Variants in ARHGAP26 observed in about 807,000 individuals in gnomAD.
ARHGAP26 encodes Rho GTPase activating protein 26.
In ARHGAP26, 38 loss-of-function variants were observed where a neutral mutation model predicts 104.8. The ratio of observed to expected loss-of-function variants is 0.36; its 90% CI spans 0.28 to 0.48. The LOEUF (loss-of-function observed/expected upper bound fraction) is 0.48, where lower values mean the gene tolerates loss of function less well. ARHGAP26 is among the 20% of genes least tolerant of loss of function. The pLI is 0.99. For synonymous variants in ARHGAP26, 341 were observed against 340.0 expected (o/e 1.00, Z -0.03); for missense variants, 704 against 947.9 (o/e 0.74, Z 3.38).
intron 10 of ARHGAP26, among the ~76,000 whole-genome samples, chr5:142,929,413 G>A (rs1210822295): frequency 1.3e-5 from 2 of 152,114 alleles, no homozygotes; most frequent in African/African-American, 4.8e-5. Flanking sequence ...GGTTTTGCTT[G>A]TTTTATTTTG....
chr5:142,872,242 G>A (rs6896092), intron 1 of ARHGAP26, among the ~76,000 whole-genome samples: 18,975 of 151,754 alleles, frequency 0.13, 2,196 homozygotes, highest in East Asian at 0.66. Flanking sequence ...CCTAACCTCA[G>A]GGGACAAATC....
Position 143,214,907 on chromosome 5 carries a change from C to G in ARHGAP26, c.2191+819C>G, listed in dbSNP as rs142353733. Among the ~76,000 whole-genome samples, 1,086 of 152,322 alleles carry G rather than the reference C, an allele frequency of 7.1e-3. 13 individuals are homozygous for G. The highest frequency in any genetic ancestry group is 0.025 in the African/African-American group (1,024 of 41,566). On this transcript the variant is annotated intron_variant, in intron 22 of 22. Coordinates refer to ENST00000645722, the MANE Select transcript of ARHGAP26 (RefSeq NM_001135608.3). Reference sequence around the variant, plus strand: ...CAAAGCCTCAAGCACTGTCCTTAAGCCTTTGCTCCATTAACTTTCATCTAG... The same window carrying G: ...CAAAGCCTCAAGCACTGTCCTTAAGGCTTTGCTCCATTAACTTTCATCTAG...
At chr5:143,083,554 A>G (rs1202108634) in intron 17 of ARHGAP26, among the ~76,000 whole-genome samples, 1 of 152,208 alleles carries the variant, frequency 6.6e-6, no homozygotes, top group East Asian at 1.9e-4. Context: ...GCTGAAGTGC[A>G]GGGACACAAT....
chr5:142,956,431 G>A (rs1769244987), intron 11 of ARHGAP26, among the ~76,000 whole-genome samples: 2 of 152,030 alleles, frequency 1.3e-5, no homozygotes, highest in Non-Finnish European at 2.9e-5. Flanking sequence ...TTAAAAATTA[G>A]CCAAGTGTGG....
chr5:142,980,352 C>CTTTAT (rs35267021), intron 11 of ARHGAP26, among the ~76,000 whole-genome samples: 86,628 of 131,246 alleles, frequency 0.66, 30,003 homozygotes, highest in Middle Eastern at 0.76. Flanking sequence ...CTCTAGGAAC[C>CTTTAT]TTTATTTTAT....
At chr5:142,980,009 T>G (rs1773683891) in intron 11 of ARHGAP26, among the ~76,000 whole-genome samples, 1 of 152,190 alleles carries the variant, frequency 6.6e-6, no homozygotes, top group African/African-American at 2.4e-5. Context: ...TGTAGAACAT[T>G]TCCAGCATCC....
At chr5:143,120,095 T>C (rs906732987) in intron 17 of ARHGAP26, among the ~76,000 whole-genome samples, 3 of 152,236 alleles carry the variant, frequency 2.0e-5, no homozygotes, top group African/African-American at 7.2e-5. Context: ...AGGGAAGCTC[T>C]TGATATTGTC....
chr5:142,771,940 T>A (rs1755291364), intron 1 of ARHGAP26, among the ~76,000 whole-genome samples: 1 of 152,222 alleles, frequency 6.6e-6, no homozygotes, highest in Admixed American at 6.5e-5. Flanking sequence ...CATTTAAAAA[T>A]AGCTCAGTCC....
intron 11 of ARHGAP26, among the ~76,000 whole-genome samples, chr5:142,932,705 C>T (rs1014325048): frequency 6.6e-6 from 1 of 152,210 alleles, no homozygotes; most frequent in Non-Finnish European, 1.5e-5. Context: ...AAAGAATCTA[C>T]AATGCCAGAG....
At position 143,024,402 on chromosome 5, in the gene ARHGAP26, G is replaced by A. The variant is rs1562281187; in HGVS notation, c.1144+10286G>A. On this transcript the variant is annotated intron_variant, in intron 12 of 22. Coordinates refer to ENST00000645722, the MANE Select transcript of ARHGAP26 (RefSeq NM_001135608.3). ...TAATATTCCCCTTTCCCTCAGTGATGTGGGCTCTGTACTGACAGCAGGCTG... is the reference window on the plus strand; with the variant it reads ...TAATATTCCCCTTTCCCTCAGTGATATGGGCTCTGTACTGACAGCAGGCTG... 2.0e-5 allele frequency among the ~76,000 whole-genome samples: 3 copies of A among 152,050 alleles called. 1 individual carries two copies. In the South Asian group the frequency reaches 6.2e-4, roughly 31 times the overall value.
chr5:143,165,350 T>C (rs1273744244), intron 20 of ARHGAP26: 1 of 152,180 alleles, frequency 6.6e-6, no homozygotes, highest in Non-Finnish European at 1.5e-5. Context: ...GGAGGAACTT[T>C]GGGGAACAGA....
chr5:142,913,133 G>A, intron 9 of ARHGAP26, 66 bp from the exon 10 acceptor site: 2 of 1,301,588 alleles, frequency 1.5e-6, no homozygotes, highest in Admixed American at 1.7e-5. Context: ...TACATGTCAT[G>A]TATGTCCTGG....
chr5:142,897,132 G>T (rs1321912335), intron 6 of ARHGAP26, among the ~76,000 whole-genome samples: 1 of 152,200 alleles, frequency 6.6e-6, no homozygotes, highest in African/African-American at 2.4e-5. Context: ...GTAGTAGAGA[G>T]CTAGTCAAGA....
chr5:143,141,675 T>A (rs1459771099), intron 19 of ARHGAP26, among the ~76,000 whole-genome samples: 1 of 152,174 alleles, frequency 6.6e-6, no homozygotes, highest in Admixed American at 6.5e-5. Flanking sequence ...GTACGTGGAC[T>A]CCCTCAGATC....
At chr5:143,054,114 C>T (rs920951842) in intron 14 of ARHGAP26, among the ~76,000 whole-genome samples, 8 of 152,128 alleles carry the variant, frequency 5.3e-5, no homozygotes, top group Admixed American at 2.0e-4. Flanking sequence ...TGAGGATAGA[C>T]TGTGAGAAAT....
intron 11 of ARHGAP26, among the ~76,000 whole-genome samples, chr5:142,993,359 T>C (rs245715): frequency 0.26 from 39,522 of 151,498 alleles, 5,602 homozygotes; most frequent in East Asian, 0.52. Context: ...TTAGTAGAGA[T>C]GGGGTTTCAC....
chr5:143,167,355 G>A (rs376323436), intron 20 of ARHGAP26, among the ~76,000 whole-genome samples: 4 of 146,546 alleles, frequency 2.7e-5, no homozygotes, highest in Non-Finnish European at 4.5e-5. Flanking sequence ...GATGGCATGC[G>A]CCTGTAATCC....
At chr5:143,118,867 C>T (rs1194133912) in intron 17 of ARHGAP26, among the ~76,000 whole-genome samples, 5 of 151,312 alleles carry the variant, frequency 3.3e-5, no homozygotes. Flanking sequence ...TGCAGCACAC[C>T]AGCATGGCAC....
intron 11 of ARHGAP26, among the ~76,000 whole-genome samples, chr5:142,944,511 G>T (rs935462007): frequency 2.0e-5 from 3 of 152,086 alleles, no homozygotes; most frequent in African/African-American, 7.2e-5. Flanking sequence ...ACTTATGAGG[G>T]TGCCCATTTT....
Sources: gnomAD v4.1 joint callset for allele counts (sites outside exome capture counted in the v4.1 genomes callset) on GRCh38, gnomAD v4.1.1 for gene constraint, MANE v1.5 for transcripts, NCBI Gene and HGNC (gene_info 2026-07-23, HGNC 2026-07-21) for gene names.